The following ST6GAL1 variants were observed in gnomAD, a reference collection of about 807,000 sequenced individuals.
The protein encoded by ST6GAL1 is ST6 beta-galactoside alpha-2,6-sialyltransferase 1.
ST6GAL1 carries 20 observed loss-of-function variants against 38.0 expected under a neutral mutation model. That is an observed-to-expected ratio of 0.53 (90% confidence interval 0.37 to 0.77). ST6GAL1 has a LOEUF of 0.77. Ranked by LOEUF, ST6GAL1 falls within the 30% of genes least tolerant of loss-of-function variation. The pLI is 0.00. For missense variants in ST6GAL1, 432 were observed against 496.4 expected, an observed-to-expected ratio of 0.87 and a Z score of 1.23; for synonymous variants, 196 against 188.2, an observed-to-expected ratio of 1.04 and a Z score of -0.34.
At chr3:187,011,106 C>G (rs1261790674) in intron 2 of ST6GAL1, among the ~76,000 whole-genome samples, 1 of 152,290 alleles carries the variant, frequency 6.6e-6, no homozygotes, top group East Asian at 1.9e-4. Flanking sequence ...TCAAGTGATT[C>G]GCTTGCCTCA....
intron 4 of ST6GAL1, among the ~76,000 whole-genome samples, chr3:187,050,714 C>G (rs1341360352): frequency 6.6e-6 from 1 of 151,956 alleles, no homozygotes; most frequent in Non-Finnish European, 1.5e-5. Flanking sequence ...GCCTCAGGTT[C>G]CTAAATGGAA....
At chr3:186,999,942 A>G (rs746819270) in intron 2 of ST6GAL1, among the ~76,000 whole-genome samples, 2 of 151,860 alleles carry the variant, frequency 1.3e-5, no homozygotes, top group African/African-American at 4.8e-5. Flanking sequence ...TGGGCTTGGG[A>G]TCCTCCTGTC....
intron 5 of ST6GAL1, among the ~76,000 whole-genome samples, chr3:187,055,873 G>C (rs1308509329): frequency 6.6e-6 from 1 of 151,972 alleles, no homozygotes; most frequent in East Asian, 1.9e-4. Context: ...TTAAGTTTCT[G>C]TCTCGTTGAT....
intron 2 of ST6GAL1, chr3:187,006,602 GGTAA>G (rs1326734053): frequency 6.6e-6 from 1 of 152,044 alleles, no homozygotes; most frequent in African/African-American, 2.4e-5. Flanking sequence ...AATTCTATGT[GGTAA>G]GTATTATTAT....
intron 1 of ST6GAL1, among the ~76,000 whole-genome samples, chr3:186,943,835 C>T (rs1029111637): frequency 3.9e-5 from 6 of 152,202 alleles, no homozygotes; most frequent in Non-Finnish European, 7.3e-5. Flanking sequence ...TGTTGAGTTG[C>T]GTGGTCTTGA....
intron 5 of ST6GAL1, among the ~76,000 whole-genome samples, chr3:187,062,289 TAAAA>T: frequency 6.6e-6 from 1 of 152,094 alleles, no homozygotes; most frequent in East Asian, 1.9e-4. Context: ...CTCAAAAACT[TAAAA>T]ATGGAATTAC....
At chr3:187,022,269 T>C (rs549190379) in intron 2 of ST6GAL1, among the ~76,000 whole-genome samples, 1 of 151,892 alleles carries the variant, frequency 6.6e-6, no homozygotes, top group Non-Finnish European at 1.5e-5. Context: ...CCCACACATA[T>C]GGTCACATAA....
intron 4 of ST6GAL1, among the ~76,000 whole-genome samples, chr3:187,048,880 AT>A (rs374148828): frequency 0.034 from 3,844 of 114,208 alleles, 12 homozygotes; most frequent in African/African-American, 0.049. Flanking sequence ...GAGAAATTGA[AT>A]TTTTTTTTTT....
intron 5 of ST6GAL1, among the ~76,000 whole-genome samples, chr3:187,056,052 A>G (rs1046205470): frequency 6.6e-6 from 1 of 152,172 alleles, no homozygotes; most frequent in Admixed American, 6.5e-5. Context: ...TCCCTTTACC[A>G]TTATGTAATG....
At chr3:186,945,514 A>G (rs1382651669) in intron 1 of ST6GAL1, among the ~76,000 whole-genome samples, 1 of 152,196 alleles carries the variant, frequency 6.6e-6, no homozygotes, top group Non-Finnish European at 1.5e-5. Context: ...CTTAGAAGGC[A>G]TAGTGGAAGG....
At chr3:186,992,565 G>A (rs1716210831) in intron 2 of ST6GAL1, among the ~76,000 whole-genome samples, 1 of 152,126 alleles carries the variant, frequency 6.6e-6, no homozygotes, top group Admixed American at 6.5e-5. Context: ...AGGCCAAGGC[G>A]GGTGGATCAT....
intron 2 of ST6GAL1, among the ~76,000 whole-genome samples, chr3:186,994,612 T>C (rs1716300515): frequency 6.6e-6 from 1 of 152,232 alleles, no homozygotes; most frequent in Admixed American, 6.5e-5. Context: ...GCTGTTTATT[T>C]TTTCATTTTT....
At chr3:186,942,106 C>A (rs943425603) in intron 1 of ST6GAL1, among the ~76,000 whole-genome samples, 1 of 152,080 alleles carries the variant, frequency 6.6e-6, no homozygotes. Context: ...AGGCCCCCTG[C>A]AGCTTTGAGA....
intron 5 of ST6GAL1, chr3:187,064,591 A>G (rs115850239): frequency 6.6e-6 from 3 of 456,628 alleles, no homozygotes; most frequent in Admixed American, 4.7e-5. Context: ...CCCACCCTCA[A>G]GAGAGCCTTT....
At chr3:186,984,743 C>CCTTCCTCCCTCCCTTCCTTCCTTCT (rs1553821490) in intron 2 of ST6GAL1, among the ~76,000 whole-genome samples, 1 of 28,460 alleles carries the variant, frequency 3.5e-5, no homozygotes, top group Non-Finnish European at 7.1e-5. Flanking sequence ...TCCTTCCTTC[C>CCTTCCTCCCTCCCTTCCTTCCTTCT]CTCCCTCCCT....
chr3:187,023,415 T>C (rs1230405648), intron 2 of ST6GAL1, among the ~76,000 whole-genome samples: 3 of 152,244 alleles, frequency 2.0e-5, no homozygotes, highest in Admixed American at 2.0e-4. Context: ...TCTACTGCTG[T>C]GTCTGCAGTC....
chr3:187,064,657 A>G (rs1410097410), intron 5 of ST6GAL1: 2 of 455,838 alleles, frequency 4.4e-6, no homozygotes, highest in Admixed American at 4.7e-5. Context: ...AAGCAACACT[A>G]AGTATCTGGC....
intron 2 of ST6GAL1, among the ~76,000 whole-genome samples, chr3:186,987,253 A>C (rs1295355195): frequency 6.6e-6 from 1 of 150,660 alleles, no homozygotes; most frequent in Non-Finnish European, 1.5e-5. Flanking sequence ...GAAAGAAAGG[A>C]AGAAAGAAAG....
chr3:187,072,685 T>G (rs1579387200), intron 5 of ST6GAL1, 164 bp from the exon 6 acceptor site: 11 of 700,492 alleles, frequency 1.6e-5, no homozygotes, highest in East Asian at 2.7e-5. Flanking sequence ...TGCAGGCTGG[T>G]ATCTTTACCT....
Sources: allele counts gnomAD v4.1 joint callset (sites outside exome capture counted in the v4.1 genomes callset), GRCh38; gene constraint gnomAD v4.1.1; transcripts MANE v1.5; gene names NCBI Gene and HGNC (gene_info 2026-07-23, HGNC 2026-07-21).